Variants in CNBD1 observed in about 807,000 individuals in gnomAD.
CNBD1 encodes cyclic nucleotide binding domain containing 1.
A neutral mutation model predicts 54.4 loss-of-function variants in CNBD1; 71 were observed. The ratio of observed to expected loss-of-function variants is 1.30; its 90% confidence interval spans 1.08 to 1.59. The LOEUF is 1.59. Ranked by LOEUF, CNBD1 falls within the 40% of genes most tolerant of loss-of-function variation. The pLI is 0.00. For synonymous variants in CNBD1, 182 were observed against 170.7 expected, an observed-to-expected ratio of 1.07 and a Z score of -0.51; for missense variants, 659 against 518.0, an observed-to-expected ratio of 1.27 and a Z score of -2.64.
chr8:87,410,335 C>T (rs1251298034), intron 2 of CNBD1, among the ~76,000 whole-genome samples: 8 of 152,000 alleles, frequency 5.3e-5, no homozygotes, highest in African/African-American at 4.8e-5. Context: ...ATAGTGATTC[C>T]TCTGATGGTT....
At chr8:87,304,833 T>C (rs1301876453) in intron 8 of CNBD1, among the ~76,000 whole-genome samples, 1 of 152,020 alleles carries the variant, frequency 6.6e-6, no homozygotes, top group African/African-American at 2.4e-5. Flanking sequence ...TTGAAAACAT[T>C]CCTTCTGAGA....
intron 4 of CNBD1, among the ~76,000 whole-genome samples, chr8:87,185,992 T>C (rs1030215383): frequency 6.6e-6 from 1 of 152,130 alleles, no homozygotes; most frequent in Non-Finnish European, 1.5e-5. Context: ...TATTTGTTCC[T>C]CGTTTCCAAG....
intron 8 of CNBD1, among the ~76,000 whole-genome samples, chr8:87,342,058 G>A (rs936110997): frequency 6.6e-6 from 1 of 152,102 alleles, no homozygotes; most frequent in Non-Finnish European, 1.5e-5. Flanking sequence ...CAGATCACAA[G>A]GTCAGGAGAT....
intron 4 of CNBD1, among the ~76,000 whole-genome samples, chr8:86,940,313 C>A (rs571368069): frequency 2.0e-5 from 3 of 151,860 alleles, no homozygotes; most frequent in Non-Finnish European, 4.4e-5. Flanking sequence ...ATTACAGGCA[C>A]CTGCCACCAC....
rs569715720 is a variant in CNBD1 at position 87,410,761 on chromosome 8, G to T, written c.214-17785G>T. 6.4e-4 allele frequency among the ~76,000 whole-genome samples: 97 copies of T among 152,208 alleles called. 1 individual carries two copies. Among genetic ancestry groups the T allele is most frequent in the Admixed American group, 2.0e-3 (30 of 15,274 alleles). Reference sequence around the variant, plus strand: ...TCTTTTGTGAAAGGAAGAGTCAGCTGATGAGCAAATTTCATTGTTGCATTG... The same window carrying T: ...TCTTTTGTGAAAGGAAGAGTCAGCTTATGAGCAAATTTCATTGTTGCATTG... On this transcript the variant is annotated intron_variant, in intron 2 of 7. Coordinates refer to the CNBD1 transcript ENST00000521593.
chr8:87,143,084 A>T (rs139273676), intron 4 of CNBD1, among the ~76,000 whole-genome samples: 196 of 152,260 alleles, frequency 1.3e-3, no homozygotes, highest in Middle Eastern at 6.8e-3. Flanking sequence ...TATTATAGTT[A>T]ATAGCTTTTA....
intron 5 of CNBD1, among the ~76,000 whole-genome samples, 166 bp from the exon 6 acceptor site, chr8:87,236,753 T>C (rs1053908772): frequency 6.6e-6 from 1 of 152,134 alleles, no homozygotes; most frequent in African/African-American, 2.4e-5. Flanking sequence ...TTATTCTTGT[T>C]ACTTGAGTAA....
At chr8:87,393,783 A>G (rs1321247708) in intron 2 of CNBD1, among the ~76,000 whole-genome samples, 1 of 151,914 alleles carries the variant, frequency 6.6e-6, no homozygotes, top group Non-Finnish European at 1.5e-5. Context: ...TTATGAAATG[A>G]GACTTCTTCT....
Position 86,866,450 on chromosome 8 carries a change from C to A in CNBD1, c.-46C>A. 7.2e-7 allele frequency: 1 copy of A among 1,396,308 alleles called. No individual in the cohort carries two copies. Among genetic ancestry groups the A allele is most frequent in the Non-Finnish European group, 1.0e-6 (1 of 995,588 alleles). 86.5% of individuals were successfully genotyped at this position (1,396,308 alleles called of 1,614,324 possible). A position where few individuals can be genotyped will look rare whatever the true frequency, so the allele number is the denominator to read the frequency against. ...CCTGCAGGCAAAGAGTGATCATTTG[C>A]CTCTCAAGCAGCCTCTGGTCATCTA... On this transcript the variant is annotated 5_prime_UTR_variant, in exon 1 of 11. Coordinates refer to ENST00000518476, the MANE Select transcript of CNBD1 (RefSeq NM_173538.3).
chr8:87,268,618 T>C lies in CNBD1; in HGVS notation c.772-16060T>C, dbSNP rs969102265. ...CTGTTGTTTTATGACTTTTTAATAA[T>C]AGCCATTTTGACTGGTGTGAGATGG... On this transcript the variant is annotated intron_variant, in intron 6 of 10. Transcript: ENST00000518476. Among the ~76,000 whole-genome samples, 4 of 152,146 alleles carry C rather than the reference T, an allele frequency of 2.6e-5. 1 individual carries two copies. The South Asian group carries it at 8.3e-4, about 32-fold the overall frequency.
At chr8:86,910,151 A>G (rs1051085069) in intron 3 of CNBD1, among the ~76,000 whole-genome samples, 7 of 152,192 alleles carry the variant, frequency 4.6e-5, no homozygotes, top group Non-Finnish European at 1.0e-4. Context: ...TCAAAGGAAC[A>G]TAAGTTCCTC....
chr8:87,024,565 C>A (rs538076679), intron 4 of CNBD1, among the ~76,000 whole-genome samples: 20 of 152,136 alleles, frequency 1.3e-4, no homozygotes, highest in African/African-American at 4.3e-4. Context: ...TGGTCTCAAA[C>A]TCCTGACCTC....
intron 4 of CNBD1, among the ~76,000 whole-genome samples, chr8:87,034,985 A>G (rs1444928198): frequency 1.3e-5 from 2 of 151,856 alleles, no homozygotes; most frequent in Admixed American, 6.6e-5. Flanking sequence ...AGTTTTTTTG[A>G]CATTTTTTGC....
At chr8:87,040,499 C>T (rs1379790710) in intron 4 of CNBD1, among the ~76,000 whole-genome samples, 1 of 148,872 alleles carries the variant, frequency 6.7e-6, no homozygotes, top group African/African-American at 2.5e-5. Context: ...TCTTGGCTCA[C>T]TACAAGCTCC....
intron 4 of CNBD1, among the ~76,000 whole-genome samples, chr8:87,007,855 T>C (rs1809134517): frequency 1.3e-5 from 2 of 152,158 alleles, no homozygotes; most frequent in Non-Finnish European, 2.9e-5. Flanking sequence ...GTTGAGCAGA[T>C]TGATTTACTG....
At chr8:87,425,414 G>T (rs1343228110) in intron 2 of CNBD1, among the ~76,000 whole-genome samples, 1 of 152,236 alleles carries the variant, frequency 6.6e-6, no homozygotes, top group East Asian at 1.9e-4. Flanking sequence ...AGAGTTTCCA[G>T]TTTTTCTGTT....
chr8:87,165,058 GT>G (rs927557422), intron 4 of CNBD1, among the ~76,000 whole-genome samples: 1 of 151,312 alleles, frequency 6.6e-6, no homozygotes, highest in African/African-American at 2.4e-5. Context: ...GGAGTGTGCT[GT>G]TTATTTCCAC....
chr8:87,378,145 C>A (rs1458939671), intron 10 of CNBD1, among the ~76,000 whole-genome samples: 3 of 142,182 alleles, frequency 2.1e-5, no homozygotes, highest in Non-Finnish European at 4.6e-5. Context: ...TGTGCAGAAG[C>A]TCTTTAGTTT....
chr8:87,328,871 T>G lies in CNBD1; in HGVS notation c.1043-22814T>G, dbSNP rs976831986. ...TTATTCTTTTTGATGCTACTGTAAATTAGAACATTTTCTTAATACCATTTA... is the reference window on the plus strand; with the variant it reads ...TTATTCTTTTTGATGCTACTGTAAAGTAGAACATTTTCTTAATACCATTTA... On this transcript the variant is annotated intron_variant, in intron 8 of 10. Transcript: ENST00000518476. 2.6e-5 allele frequency among the ~76,000 whole-genome samples: 4 copies of G among 152,092 alleles called. No individual in the cohort carries two copies. In the East Asian group the frequency reaches 7.7e-4, roughly 29 times the overall value.
Sources: gnomAD v4.1 joint callset for allele counts (sites outside exome capture counted in the v4.1 genomes callset) on GRCh38, gnomAD v4.1.1 for gene constraint, MANE v1.5 for transcripts, NCBI Gene and HGNC (gene_info 2026-07-23, HGNC 2026-07-21) for gene names.